Variants in BAG1 observed in about 807,000 individuals in gnomAD.
BAG1 encodes BAG cochaperone 1, also known as BAG family molecular chaperone regulator 1.
A neutral mutation model predicts 35.5 loss-of-function variants in BAG1; 35 were observed. The observed-to-expected ratio is 0.99, with a 90% CI of 0.75 to 1.31. The LOEUF is 1.31. BAG1 is among the 50% of genes most tolerant of loss of function. The probability of loss-of-function intolerance (pLI) is 0.00; values close to 1 mark genes in which losing one functional copy is unlikely to be tolerated. For synonymous variants in BAG1, 191 were observed against 178.9 expected, an observed-to-expected ratio of 1.07 and a Z score of -0.54; for missense variants, 464 against 453.6, an observed-to-expected ratio of 1.02 and a Z score of -0.21.
rs1699591240 is a variant in BAG1 at position 33,254,621 on chromosome 9, A to T, written c.*598T>A. The T allele has an allele frequency of 6.0e-6, 1 of 167,044 alleles. No homozygotes were observed. Among genetic ancestry groups the T allele is most frequent in the Admixed American group, 5.7e-5 (1 of 17,414 alleles). The allele number at this position is 167,044 out of a possible 1,614,324, so 10.3% of individuals were successfully genotyped here. Reference sequence around the variant, plus strand: ...TCCATCCAAGGAACGGCCCCCTGGTATCTCATGGCCTGTGGCTAGTCAGGG... The same window carrying T: ...TCCATCCAAGGAACGGCCCCCTGGTTTCTCATGGCCTGTGGCTAGTCAGGG... On this transcript the variant is annotated 3_prime_UTR_variant, in exon 7 of 7. Transcript: ENST00000634734.
chr9:33,261,030 G>A (rs1186962403), intron 3 of BAG1, 57 bp downstream of exon 3: 6 of 1,452,092 alleles, frequency 4.1e-6, no homozygotes, highest in South Asian at 1.2e-5. Flanking sequence ...ACAGAAACAT[G>A]TATAAAAGAC....
chr9:33,253,083 G>C lies in BAG1; in HGVS notation c.*2136C>G, dbSNP rs1420006529. ...TGAGCCATTGGAGGGTTCTAAGCAG[G>C]GGACTGACATGGCAAGATTTGCACT... On this transcript the variant is annotated 3_prime_UTR_variant, in exon 7 of 7. Coordinates refer to ENST00000634734, the MANE Select transcript of BAG1 (RefSeq NM_004323.6). 6.6e-6 allele frequency: 1 copy of C among 152,148 alleles called. No individual in the cohort carries two copies. The highest frequency in any genetic ancestry group is 1.5e-5 in the Non-Finnish European group (1 of 68,044). The allele number at this position is 152,148 out of a possible 1,614,324, so 9.4% of individuals were successfully genotyped here.
chr9:33,264,130 A>G, intron 1 of BAG1, 94 bp downstream of exon 1: 1 of 1,413,520 alleles, frequency 7.1e-7, no homozygotes, highest in South Asian at 1.4e-5. Context: ...GACAAGCGCA[A>G]GGTCACACGC....
In BAG1 at chr9:33,259,030, T is replaced by A. The variant is rs1444783019; in HGVS notation, c.667A>T (p.Ser223Cys). 1 of 1,612,602 alleles carries A rather than the reference T, an allele frequency of 6.2e-7. No individual in the cohort carries two copies. Among genetic ancestry groups the A allele is most frequent in the Non-Finnish European group, 8.5e-7 (1 of 1,178,718 alleles). ...TTTAGTTCAACCTCTTCCTGTGGAC[T>A]GTTCTAAAATGTTTAAGAAGAAAAT... is the stretch of plus-strand genomic sequence containing the variant. The change falls in exon 4 of 7, where the codon AGT (serine) becomes TGT (cysteine). Residue 223 changes from serine (S) to cysteine (C), a missense_variant. Physicochemically the swap from Ser to Cys is moderately radical, Grantham distance 112. Coordinates refer to ENST00000634734, the MANE Select transcript of BAG1 (RefSeq NM_004323.6).
intron 5 of BAG1, 99 bp from the exon 6 acceptor site, chr9:33,256,026 C>CA (rs1374734085): frequency 1.8e-6 from 2 of 1,124,314 alleles, no homozygotes; most frequent in East Asian, 2.4e-5. Context: ...GAAACACCCA[C>CA]AGTACACAAA....
rs538054024 is a variant in BAG1 at position 33,264,661 on chromosome 9, C to A, written c.14G>T (p.Gly5Val). 2.4e-5 allele frequency: 32 copies of A among 1,347,126 alleles called. No individual in the cohort carries two copies. The South Asian group carries it at 4.1e-4, about 17-fold the overall frequency. The allele number at this position is 1,347,126 out of a possible 1,614,324, so 83.4% of individuals were successfully genotyped here. A position where few individuals can be genotyped will look rare whatever the true frequency, so the allele number is the denominator to read the frequency against. Residue 5 changes from glycine (G) to valine (V), a missense_variant, in exon 1 of 7, where the codon GGG (glycine) becomes GTG (valine). Physicochemically the swap from Gly to Val is moderately radical, Grantham distance 109. Transcript: ENST00000634734. Reference sequence around the variant, plus strand: ...GTCGCCTCGCGGTCTCCGCGCCCCCCCGCGCTGAGCCAGGCCCGCACTTGT... The same window carrying A: ...GTCGCCTCGCGGTCTCCGCGCCCCCACGCGCTGAGCCAGGCCCGCACTTGT...
rs1820420026 is a variant in BAG1 at position 33,254,971 on chromosome 9, T to C, written c.*248A>G. On this transcript the variant is annotated 3_prime_UTR_variant, in exon 7 of 7. Coordinates refer to ENST00000634734, the MANE Select transcript of BAG1 (RefSeq NM_004323.6). ...ACAGCTGGGAAAATTTGGGCAGAGG[T>C]GGCCCTCTCCAGAAAAGGTGGATTG... 38 of 1,421,994 alleles carry C rather than the reference T, an allele frequency of 2.7e-5. No homozygotes were observed. In the South Asian group the frequency reaches 4.9e-4, roughly 18 times the overall value. 88.1% of individuals were successfully genotyped at this position (1,421,994 alleles called of 1,614,324 possible). A position where few individuals can be genotyped will look rare whatever the true frequency, so the allele number is the denominator to read the frequency against.
chr9:33,262,768 C>A lies in BAG1; in HGVS notation c.514G>T (p.Asp172Tyr), dbSNP rs1222193814. The A allele has an allele frequency of 2.5e-6, 4 of 1,614,032 alleles. No homozygotes were observed. The highest frequency in any genetic ancestry group is 3.4e-6 in the Non-Finnish European group (4 of 1,180,010). Residue 172 changes from aspartate to tyrosine, a missense_variant, in exon 2 of 7, where the codon GAC becomes TAC. Coordinates refer to ENST00000634734, the MANE Select transcript of BAG1 (RefSeq NM_004323.6). ...ACCTCTTCAACAACCTGGGCCAGGT[C>A]TTGGACAACTGGTTCACTGCTGCCC...
rs1017511753 is a variant in BAG1 at position 33,252,747 on chromosome 9, G to A, written c.*2472C>T. On this transcript the variant is annotated 3_prime_UTR_variant, in exon 7 of 7. Transcript: ENST00000634734. Reference sequence around the variant, plus strand: ...CTGTGAAAGAAATGTATGGGAAGTCGAGAGAGGATCCCACCTGGGGGCTGG... The same window carrying A: ...CTGTGAAAGAAATGTATGGGAAGTCAAGAGAGGATCCCACCTGGGGGCTGG... The A allele has an allele frequency of 2.6e-5, 4 of 152,126 alleles. No individual in the cohort carries two copies. The highest frequency in any genetic ancestry group is 4.8e-5 in the African/African-American group (2 of 41,418). The allele number at this position is 152,126 out of a possible 1,614,324, so 9.4% of individuals were successfully genotyped here. A position where few individuals can be genotyped will look rare whatever the true frequency, so the allele number is the denominator to read the frequency against.
chr9:33,264,279 C>A lies in BAG1; in HGVS notation c.396G>T (p.Glu132Asp). The A allele has an allele frequency of 6.2e-7, 1 of 1,613,880 alleles. No individual in the cohort carries two copies. The highest frequency in any genetic ancestry group is 1.6e-4 in the Middle Eastern group (1 of 6,062). ...CCGCCATTTCCTCCCTGGTCACCTC[C>A]TCGCTCCGGGTCGACTCCTCGTCCC... Residue 132 changes from glutamate (E) to aspartate (D), a missense_variant, in exon 1 of 7, where the codon GAG (glutamate) becomes GAT (aspartate). Transcript: ENST00000634734.
At chr9:33,255,967 T>A in intron 5 of BAG1, 40 bp from the exon 6 acceptor site, 1 of 1,533,990 alleles carries the variant, frequency 6.5e-7, no homozygotes, top group Non-Finnish European at 9.0e-7. Flanking sequence ...TAGTAAATAG[T>A]AAACATGTAA....
At position 33,256,735 on chromosome 9, in the gene BAG1, A is replaced by T. The variant is rs1435824124; in HGVS notation, c.885+66T>A. 3.7e-6 allele frequency: 5 copies of T among 1,335,390 alleles called. No individual in the cohort carries two copies. The Admixed American group carries it at 8.6e-5, about 23-fold the overall frequency. 82.7% of individuals were successfully genotyped at this position (1,335,390 alleles called of 1,614,324 possible). ...CAGGCAATAGGAGAGTAAATTACTG[A>T]AAGAGTGAATGTGACTGAAATAAAG... On this transcript the variant is annotated intron_variant, in intron 5 of 6. Coordinates refer to ENST00000634734, the MANE Select transcript of BAG1 (RefSeq NM_004323.6).
chr9:33,261,008 T>C (rs1820556658), intron 3 of BAG1, 79 bp downstream of exon 3: 2 of 1,190,204 alleles, frequency 1.7e-6, no homozygotes, highest in East Asian at 4.9e-5. Context: ...GGTCCCCAGT[T>C]TGGTCTTCTA....
Position 33,264,681 on chromosome 9 carries a change from A to G in BAG1, c.-7T>C. The G allele has an allele frequency of 7.4e-7, 1 of 1,352,876 alleles. No homozygotes were observed. Among genetic ancestry groups the G allele is most frequent in the Non-Finnish European group, 9.4e-7 (1 of 1,059,810 alleles). The allele number at this position is 1,352,876 out of a possible 1,614,324, so 83.8% of individuals were successfully genotyped here. The stretch of plus-strand genomic sequence containing the variant: ...CCCCCCCGCGCTGAGCCAGGCCCGC[A>G]CTTGTTGACCGCCCAGCGATGGAAG... On this transcript the variant is annotated 5_prime_UTR_variant, in exon 1 of 7. Transcript: ENST00000634734.
rs1308670118 is a variant in BAG1, at chr9:33,255,111, G to A, written c.*108C>T. ...TGTGAGAGTAGGAAAATTGGCAAATGGCCAGTTGCCCCCAGCAGCCCTGAA... is the reference window on the plus strand; with the variant it reads ...TGTGAGAGTAGGAAAATTGGCAAATAGCCAGTTGCCCCCAGCAGCCCTGAA... On this transcript the variant is annotated 3_prime_UTR_variant, in exon 7 of 7. Coordinates refer to ENST00000634734, the MANE Select transcript of BAG1 (RefSeq NM_004323.6). 1 of 1,610,824 alleles carries A rather than the reference G, an allele frequency of 6.2e-7. No homozygotes were observed. Among genetic ancestry groups the A allele is most frequent in the Non-Finnish European group, 8.5e-7 (1 of 1,178,378 alleles).
At position 33,253,798 on chromosome 9, in the gene BAG1, T is replaced by C. The variant is rs974791786; in HGVS notation, c.*1421A>G. 2 of 152,126 alleles carry C rather than the reference T, an allele frequency of 1.3e-5. No individual in the cohort carries two copies. The highest frequency in any genetic ancestry group is 4.8e-5 in the African/African-American group (2 of 41,420). 9.4% of individuals were successfully genotyped at this position (152,126 alleles called of 1,614,324 possible). A position where few individuals can be genotyped will look rare whatever the true frequency, so the allele number is the denominator to read the frequency against. On this transcript the variant is annotated 3_prime_UTR_variant, in exon 7 of 7. Transcript: ENST00000634734. Reference sequence around the variant, plus strand: ...AAAAAAGCAAACCACTCTTCTACTTTATGATGAGCACATAAACAGTTTTTT... The same window carrying C: ...AAAAAAGCAAACCACTCTTCTACTTCATGATGAGCACATAAACAGTTTTTT...
chr9:33,258,798 A>G, intron 4 of BAG1, 122 bp downstream of exon 4: 1 of 721,638 alleles, frequency 1.4e-6, no homozygotes. Flanking sequence ...ACAGTAAGAG[A>G]AAGGGTGAAT....
intron 4 of BAG1, 61 bp downstream of exon 4, chr9:33,258,859 C>G: frequency 1.4e-6 from 2 of 1,420,852 alleles, no homozygotes; most frequent in Non-Finnish European, 2.0e-6. Flanking sequence ...CCCATAACCA[C>G]AAGTTATATC....
Position 33,254,366 on chromosome 9 carries a change from A to C in BAG1, c.*853T>G, listed in dbSNP as rs947075263. 6.6e-6 allele frequency: 1 copy of C among 152,218 alleles called. No homozygotes were observed. Among genetic ancestry groups the C allele is most frequent in the African/African-American group, 2.4e-5 (1 of 41,414 alleles). 9.4% of individuals were successfully genotyped at this position (152,218 alleles called of 1,614,324 possible). On this transcript the variant is annotated 3_prime_UTR_variant, in exon 7 of 7. Coordinates refer to ENST00000634734, the MANE Select transcript of BAG1 (RefSeq NM_004323.6). ...TAGAACAGCTGTGAAGGAAACATAG[A>C]ACTCAGAAGGATATGGTTAACAAAA... is the stretch of plus-strand genomic sequence containing the variant.
Sources: gnomAD v4.1 joint callset for allele counts on GRCh38, gnomAD v4.1.1 for gene constraint, MANE v1.5 for transcripts, NCBI Gene and HGNC (gene_info 2026-07-23, HGNC 2026-07-21) for gene names.